Variants in RXRA observed in about 807,000 individuals in gnomAD.
RXRA encodes retinoic acid receptor RXR-alpha.
A neutral mutation model predicts 44.5 loss-of-function variants in RXRA; 5 were observed. The ratio of observed to expected loss-of-function variants is 0.11; its 90% CI spans 0.06 to 0.24. The LOEUF is 0.24. Among genes scored for constraint, RXRA ranks in the 10% least tolerant of loss-of-function variants. The pLI, the probability that RXRA is intolerant of heterozygous loss-of-function variation, is 1.00. For missense variants in RXRA, 412 were observed against 646.5 expected (o/e 0.64, Z 3.93); for synonymous variants, 291 against 271.4 (o/e 1.07, Z -0.71).
At chr9:134,414,668 C>T (rs1831205002) in intron 4 of RXRA, among the ~76,000 whole-genome samples, 2 of 152,362 alleles carry the variant, frequency 1.3e-5, no homozygotes, top group East Asian at 1.9e-4. Flanking sequence ...CCTCAGCTTC[C>T]CCACTGGGAA....
chr9:134,380,099 G>A (rs771583948), intron 1 of RXRA: 6 of 985,454 alleles, frequency 6.1e-6, no homozygotes, highest in African/African-American at 1.7e-5. Flanking sequence ...GTGGTCAGTC[G>A]TGCCGCCTGA....
intron 6 of RXRA, chr9:134,422,786 G>T (rs1381151426): frequency 3.0e-6 from 3 of 985,352 alleles, no homozygotes; most frequent in African/African-American, 3.5e-5. Flanking sequence ...ACCATGCGGG[G>T]TCTCTCAGTG....
chr9:134,385,926 G>A (rs1336688769), intron 1 of RXRA, among the ~76,000 whole-genome samples: 1 of 152,270 alleles, frequency 6.6e-6, no homozygotes, highest in African/African-American at 2.4e-5. Context: ...CCCCTGCTGG[G>A]TGGCAGACCA....
At chr9:134,394,044 T>A (rs1314511588) in intron 1 of RXRA, among the ~76,000 whole-genome samples, 1 of 126,614 alleles carries the variant, frequency 7.9e-6, no homozygotes, top group African/African-American at 3.0e-5. Context: ...CTGTCTAGGC[T>A]TCAGCCTGCC....
At chr9:134,411,238 G>A (rs915561300) in intron 4 of RXRA, among the ~76,000 whole-genome samples, 2 of 152,148 alleles carry the variant, frequency 1.3e-5, no homozygotes. Context: ...CATGTGCCTG[G>A]GATCATCAGA....
chr9:134,427,083 A>C (rs982573255), intron 6 of RXRA: 1 of 982,298 alleles, frequency 1.0e-6, no homozygotes. Flanking sequence ...CCTGGGCCAC[A>C]GATTACCCAC....
chr9:134,408,746 C>T (rs1484965455), intron 3 of RXRA, among the ~76,000 whole-genome samples, 194 bp from the exon 4 acceptor site: 2 of 152,206 alleles, frequency 1.3e-5, no homozygotes, highest in African/African-American at 4.8e-5. Flanking sequence ...GTCCCTGCCC[C>T]ACTCCTAAGC....
chr9:134,413,252 C>T (rs956432667), intron 4 of RXRA, among the ~76,000 whole-genome samples: 9 of 151,536 alleles, frequency 5.9e-5, no homozygotes, highest in African/African-American at 1.9e-4. Flanking sequence ...GCAGTGGTCA[C>T]GTGTGGGTGT....
At chr9:134,392,936 A>G (rs940315443) in intron 1 of RXRA, among the ~76,000 whole-genome samples, 1 of 151,606 alleles carries the variant, frequency 6.6e-6, no homozygotes, top group African/African-American at 2.4e-5. Context: ...CTGGCCGGTC[A>G]TTGCCAGCCC....
intron 1 of RXRA, chr9:134,373,905 G>T (rs1830520171): frequency 6.6e-6 from 1 of 152,226 alleles, no homozygotes; most frequent in Non-Finnish European, 1.5e-5. Context: ...GAACTCCTGG[G>T]CTCAAGTGAT....
chr9:134,332,382 C>T lies in RXRA; in HGVS notation c.28+5723C>T, dbSNP rs536780586. 5.3e-5 allele frequency among the ~76,000 whole-genome samples: 8 copies of T among 152,316 alleles called. No individual in the cohort carries two copies. In the East Asian group the frequency reaches 7.7e-4, roughly 15 times the overall value. Reference sequence around the variant, plus strand: ...ACGCGGCCCACCCCATGCATGCAGGCGTCCGCCGCAGCCTTCCCAGGGTGA... The same window carrying T: ...ACGCGGCCCACCCCATGCATGCAGGTGTCCGCCGCAGCCTTCCCAGGGTGA... On this transcript the variant is annotated intron_variant, in intron 1 of 9. Transcript: ENST00000481739.
chr9:134,424,086 C>T (rs943902885), intron 6 of RXRA: 15 of 985,096 alleles, frequency 1.5e-5, no homozygotes, highest in African/African-American at 1.4e-4. Context: ...GTGGGGTGTT[C>T]GTGGTGGAGT....
intron 9 of RXRA, among the ~76,000 whole-genome samples, chr9:134,434,633 G>C (rs1394792390): frequency 6.6e-6 from 1 of 152,254 alleles, no homozygotes; most frequent in African/African-American, 2.4e-5. Flanking sequence ...GTACGGAATA[G>C]GCGGTCACGG....
intron 1 of RXRA, among the ~76,000 whole-genome samples, chr9:134,383,611 C>T (rs559366214): frequency 1.3e-5 from 2 of 152,290 alleles, no homozygotes; most frequent in South Asian, 4.1e-4. Context: ...TCCCACTCCC[C>T]GCCCCACTCT....
chr9:134,427,031 C>G, intron 6 of RXRA: 1 of 982,244 alleles, frequency 1.0e-6, no homozygotes, highest in Non-Finnish European at 1.2e-6. Flanking sequence ...CCCGGGGCTC[C>G]TGTCCAAGTC....
intron 4 of RXRA, among the ~76,000 whole-genome samples, chr9:134,411,724 A>G (rs1027302697): frequency 2.0e-5 from 3 of 152,172 alleles, no homozygotes; most frequent in Admixed American, 6.5e-5. Context: ...CGCCCCAAAC[A>G]CAGCTGCAGA....
intron 6 of RXRA, chr9:134,423,185 G>A: frequency 2.0e-6 from 2 of 985,466 alleles, no homozygotes; most frequent in African/African-American, 1.7e-5. Context: ...GTAGCTGTGA[G>A]GCCAGGCTGT....
At position 134,366,967 on chromosome 9, in the gene RXRA, C is replaced by G. The variant is rs928147500; in HGVS notation, c.29-34665C>G. On this transcript the variant is annotated intron_variant, in intron 1 of 9. Coordinates refer to ENST00000481739, the MANE Select transcript of RXRA (RefSeq NM_002957.6). The surrounding 1 kb of genome is among the most constrained non-coding windows in gnomAD (Gnocchi z 5.9). ...GTTCCCGGGCCTGCACATCCCCACC[C>G]CTGCCCTGCGTGCCACTCTCAGCCT... Among the ~76,000 whole-genome samples, 2 of 152,178 alleles carry G rather than the reference C, an allele frequency of 1.3e-5. No individual in the cohort carries two copies. Among genetic ancestry groups the G allele is most frequent in the African/African-American group, 4.8e-5 (2 of 41,432 alleles).
chr9:134,435,019 G>C (rs1007809421), intron 9 of RXRA, among the ~76,000 whole-genome samples: 3 of 152,172 alleles, frequency 2.0e-5, no homozygotes, highest in Admixed American at 6.5e-5. Context: ...AGGACAGGAG[G>C]GGGTGGCAGG....
Sources: allele counts gnomAD v4.1 joint callset (sites outside exome capture counted in the v4.1 genomes callset), GRCh38; gene constraint gnomAD v4.1.1; non-coding constraint Gnocchi (gnomAD v3.1); transcripts MANE v1.5; gene names NCBI Gene and HGNC (gene_info 2026-07-23, HGNC 2026-07-21).